The following MRPL14 variants were observed in gnomAD, a reference collection of about 807,000 sequenced individuals.
MRPL14 encodes mitochondrial ribosomal protein L14.
MRPL14 carries 8 observed loss-of-function variants against 10.9 expected under a neutral mutation model. The observed-to-expected ratio is 0.74, with a 90% CI of 0.43 to 1.33. MRPL14 has a LOEUF of 1.33. MRPL14 is among the 40% of genes most tolerant of loss of function. The probability of loss-of-function intolerance (pLI) is 0.01; values close to 1 mark genes in which losing one functional copy is unlikely to be tolerated. For synonymous variants in MRPL14, 82 were observed against 74.1 expected (o/e 1.11, Z -0.54); for missense variants, 179 against 194.5 (o/e 0.92, Z 0.47).
chr6:44,114,025 T>C lies in MRPL14; in HGVS notation c.256A>G (p.Ile86Val). 6.2e-7 allele frequency: 1 copy of C among 1,614,188 alleles called. No individual in the cohort carries two copies. Reference protein sequence around the residue: ...AIKGQKKKALIVGHCMPGPRM... With the variant: ...AIKGQKKKALVVGHCMPGPRM... ...GGGCCAGGCATGCAGTGCCCCACAA[T>C]GAGCGCCTTTTTCTTCTGTCCCTTG... Residue 86 changes from isoleucine to valine, a missense_variant, in exon 3 of 3, where the codon ATT becomes GTT. Coordinates refer to ENST00000372014, the MANE Select transcript of MRPL14 (RefSeq NM_032111.4).
chr6:44,126,136 G>A (rs1777006970), intron 1 of MRPL14, among the ~76,000 whole-genome samples: 1 of 152,192 alleles, frequency 6.6e-6, no homozygotes, highest in Non-Finnish European at 1.5e-5. Flanking sequence ...GCAAAGAAAG[G>A]CAAGAGGGCA....
chr6:44,115,889 A>G (rs1775798341), intron 2 of MRPL14, among the ~76,000 whole-genome samples: 1 of 152,232 alleles, frequency 6.6e-6, no homozygotes, highest in Non-Finnish European at 1.5e-5. Flanking sequence ...GACGCCTTCC[A>G]AAGCACTGTA....
intron 1 of MRPL14, among the ~76,000 whole-genome samples, chr6:44,122,634 T>C (rs994604548): frequency 5.9e-5 from 9 of 152,042 alleles, no homozygotes; most frequent in Non-Finnish European, 8.8e-5. Flanking sequence ...TTAGATATGA[T>C]AGAAAAAGGA....
chr6:44,125,667 A>G (rs896691480), intron 1 of MRPL14, among the ~76,000 whole-genome samples: 2 of 150,910 alleles, frequency 1.3e-5, no homozygotes, highest in Non-Finnish European at 3.0e-5. Flanking sequence ...AAAAAAAAAA[A>G]AAAAAAAAAA....
chr6:44,119,119 C>G (rs1356402203), intron 1 of MRPL14, among the ~76,000 whole-genome samples: 1 of 152,154 alleles, frequency 6.6e-6, no homozygotes, highest in African/African-American at 2.4e-5. Flanking sequence ...AAATATGAAC[C>G]CCAGTTGTGG....
chr6:44,120,059 A>C (rs2128197442), intron 1 of MRPL14, among the ~76,000 whole-genome samples: 1 of 152,266 alleles, frequency 6.6e-6, no homozygotes, highest in East Asian at 1.9e-4. Flanking sequence ...CAGTGCACAA[A>C]CACAAACTCA....
chr6:44,124,273 T>C (rs928551689), intron 1 of MRPL14, among the ~76,000 whole-genome samples: 4 of 152,146 alleles, frequency 2.6e-5, no homozygotes, highest in Non-Finnish European at 5.9e-5. Flanking sequence ...TCCCCTTCTC[T>C]CACACCAAGT....
chr6:44,126,408 T>G lies in MRPL14; in HGVS notation c.-19+936A>C, dbSNP rs149701051. On this transcript the variant is annotated intron_variant, in intron 1 of 2. Coordinates refer to ENST00000372014, the MANE Select transcript of MRPL14 (RefSeq NM_032111.4). ...CTTACAGTTGCATTCCACAAGCTAC[T>G]AATGAACTCTTGAAAATCCAGCATA... Among the ~76,000 whole-genome samples the G allele has an allele frequency of 9.3e-4, 142 of 152,328 alleles. 1 individual carries two copies. The highest frequency in any genetic ancestry group is 3.3e-3 in the African/African-American group (136 of 41,566).
chr6:44,123,808 T>C (rs1391318019), intron 1 of MRPL14, among the ~76,000 whole-genome samples: 2 of 152,114 alleles, frequency 1.3e-5, no homozygotes, highest in African/African-American at 2.4e-5. Flanking sequence ...GGGTTGGGGA[T>C]TGCAGTGAGC....
chr6:44,114,331 G>A (rs1023525448), intron 2 of MRPL14, 122 bp from the exon 3 acceptor site: 1 of 1,186,100 alleles, frequency 8.4e-7, no homozygotes, highest in East Asian at 2.4e-5. Flanking sequence ...GCAGAGTGCT[G>A]TCCAGGAGCA....
Position 44,124,105 on chromosome 6 carries a change from C to T in MRPL14, c.-19+3239G>A, listed in dbSNP as rs139907442. ...AAGTAAAATTCTACTGAATCATATA[C>T]ATAATTCCCTTCCTATTAGTACCTC... is the stretch of plus-strand genomic sequence containing the variant. On this transcript the variant is annotated intron_variant, in intron 1 of 2. Transcript: ENST00000372014. 3.3e-5 allele frequency among the ~76,000 whole-genome samples: 5 copies of T among 152,302 alleles called. No individual in the cohort carries two copies. In the East Asian group the frequency reaches 9.6e-4, roughly 29 times the overall value.
Position 44,113,830 on chromosome 6 carries a change from G to C in MRPL14, c.*13C>G. On this transcript the variant is annotated 3_prime_UTR_variant, in exon 3 of 3. Transcript: ENST00000372014. ...CCATTCACGAGTCCTGCAACCAGAG[G>C]CCTGGGCTCAACTCACACAAAGTTC... 1 of 1,538,604 alleles carries C rather than the reference G, an allele frequency of 6.5e-7. No individual in the cohort carries two copies. The highest frequency in any genetic ancestry group is 8.8e-7 in the Non-Finnish European group (1 of 1,139,866).
chr6:44,127,099 T>A (rs1286786010), intron 1 of MRPL14: 3 of 146,602 alleles, frequency 2.0e-5, no homozygotes, highest in African/African-American at 7.6e-5. Context: ...GACTTGGGGG[T>A]CGCAGAAGCA....
intron 1 of MRPL14, among the ~76,000 whole-genome samples, chr6:44,121,913 T>C (rs1776462954): frequency 6.8e-6 from 1 of 146,778 alleles, no homozygotes; most frequent in South Asian, 2.2e-4. Context: ...CACTCCAGCC[T>C]AGGCAACAGA....
intron 1 of MRPL14, among the ~76,000 whole-genome samples, chr6:44,119,686 T>G (rs1244094974): frequency 2.6e-5 from 4 of 152,156 alleles, no homozygotes; most frequent in African/African-American, 9.7e-5. Flanking sequence ...AGATCAATAC[T>G]CAGAGCAATA....
In MRPL14 at chr6:44,114,134, G is replaced by A. The variant is rs774965002; in HGVS notation, c.147C>T (p.Ser49=). 8.7e-6 allele frequency: 14 copies of A among 1,614,162 alleles called. No homozygotes were observed. The highest frequency in any genetic ancestry group is 1.0e-5 in the Non-Finnish European group (12 of 1,180,040). ...RVVDNSALGN[S]PYHRAPRCIH... is the part of the protein sequence containing the mutation. ...TGCAGCGAGGAGCCCGATGGTATGG[G>A]CTGTTCCCCAGGGCACTGTTGTCCA... The change falls in exon 3 of 3, where the codon AGC becomes AGT. Residue 49 remains serine (S), a synonymous_variant. Transcript: ENST00000372014.
chr6:44,122,763 ACT>A (rs1028563729), intron 1 of MRPL14, among the ~76,000 whole-genome samples: 10 of 152,148 alleles, frequency 6.6e-5, no homozygotes, highest in South Asian at 2.1e-4. Flanking sequence ...AAAAGGACAA[ACT>A]CTGCCAGCGT....
intron 1 of MRPL14, among the ~76,000 whole-genome samples, chr6:44,118,856 C>T (rs1341169657): frequency 6.6e-6 from 1 of 152,078 alleles, no homozygotes; most frequent in Non-Finnish European, 1.5e-5. Context: ...CCCAGCTACT[C>T]AGGAAGCTGA....
rs894848456 is a variant in MRPL14, at chr6:44,113,682, T to C, written c.*161A>G. On this transcript the variant is annotated 3_prime_UTR_variant, in exon 3 of 3. Transcript: ENST00000372014. Reference sequence around the variant, plus strand: ...TATTTTCCCACATCCCAGAAAGCTCTGGAAAAACACATAAATGAATACATT... The same window carrying C: ...TATTTTCCCACATCCCAGAAAGCTCCGGAAAAACACATAAATGAATACATT... The C allele has an allele frequency of 9.3e-6, 7 of 753,130 alleles. No homozygotes were observed. The highest frequency in any genetic ancestry group is 4.0e-5 in the South Asian group (1 of 25,242). The allele number at this position is 753,130 out of a possible 1,614,324, so 46.7% of individuals were successfully genotyped here.
Sources: allele counts gnomAD v4.1 joint callset (sites outside exome capture counted in the v4.1 genomes callset), GRCh38; gene constraint gnomAD v4.1.1; transcripts MANE v1.5; gene names NCBI Gene and HGNC (gene_info 2026-07-23, HGNC 2026-07-21).